Variants in TENM3 observed in about 807,000 individuals in gnomAD.
The protein encoded by TENM3 is teneurin transmembrane protein 3.
In TENM3, 63 loss-of-function variants were observed where a neutral mutation model predicts 255.1. The ratio of observed to expected loss-of-function variants is 0.25; its 90% confidence interval spans 0.20 to 0.30. The LOEUF is 0.30. Ranked by LOEUF, TENM3 falls within the 10% of genes least tolerant of loss-of-function variation. The pLI is 1.00. For synonymous variants in TENM3, 1,306 were observed against 1,322.3 expected, an observed-to-expected ratio of 0.99 and a Z score of 0.27; for missense variants, 2,929 against 3,461.1, an observed-to-expected ratio of 0.85 and a Z score of 3.86.
intron 13 of TENM3, among the ~76,000 whole-genome samples, chr4:182,725,934 G>A (rs757697863): frequency 2.0e-5 from 3 of 152,076 alleles, no homozygotes; most frequent in South Asian, 2.1e-4. Context: ...TACCGCGCCC[G>A]GCTTAATTTT....
At chr4:181,742,514 T>C in the TENM3 span, among the ~76,000 whole-genome samples, 1 of 152,248 alleles carries the variant, frequency 6.6e-6, no homozygotes, top group African/African-American at 2.4e-5. Flanking sequence ...TTTCTGGTTC[T>C]CATGGGGCTT....
intron 12 of TENM3, among the ~76,000 whole-genome samples, chr4:182,710,113 T>G (rs6552597): frequency 0.91 from 138,470 of 152,206 alleles, 63,398 homozygotes; most frequent in East Asian, 1. Flanking sequence ...TTATTTATTT[T>G]GGTTGTGCAG....
chr4:181,494,187 C>T, the TENM3 span, among the ~76,000 whole-genome samples: 1 of 152,168 alleles, frequency 6.6e-6, no homozygotes, highest in African/African-American at 2.4e-5. Context: ...CTACTAATGA[C>T]TTATATTCTC....
At chr4:181,730,518 G>A in the TENM3 span, among the ~76,000 whole-genome samples, 9 of 152,180 alleles carry the variant, frequency 5.9e-5, no homozygotes, top group Non-Finnish European at 1.0e-4. Flanking sequence ...GGATAAAGGG[G>A]TGTCTATTTT....
chr4:181,496,390 T>C, the TENM3 span, among the ~76,000 whole-genome samples: 4 of 152,226 alleles, frequency 2.6e-5, no homozygotes, highest in Non-Finnish European at 5.9e-5. Flanking sequence ...TGTTTTATTC[T>C]GAACATTCTG....
intron 1 of TENM3, among the ~76,000 whole-genome samples, chr4:182,194,503 G>C (rs868527818): frequency 6.6e-6 from 1 of 152,146 alleles, no homozygotes; most frequent in African/African-American, 2.4e-5. Context: ...CTTCCACGAC[G>C]CTTCTTAAGA....
intron 1 of TENM3, among the ~76,000 whole-genome samples, chr4:182,236,953 A>T (rs1756933885): frequency 6.6e-6 from 1 of 152,092 alleles, no homozygotes; most frequent in South Asian, 2.1e-4. Flanking sequence ...CCTAGGTATT[A>T]AGCCTGGCAT....
chr4:182,653,928 T>C (rs756574238), intron 6 of TENM3, 35 bp downstream of exon 6: 1 of 1,566,124 alleles, frequency 6.4e-7, no homozygotes, highest in Non-Finnish European at 8.7e-7. Flanking sequence ...GTGTTTCTCT[T>C]TTAACATCCC....
At chr4:181,447,895 A>G in the TENM3 span, among the ~76,000 whole-genome samples, 3 of 151,820 alleles carry the variant, frequency 2.0e-5, no homozygotes, top group Non-Finnish European at 4.4e-5. Flanking sequence ...TCAAACAACT[A>G]TTTTCTCTCT....
the TENM3 span, among the ~76,000 whole-genome samples, chr4:181,785,759 C>G: frequency 1.3e-5 from 2 of 151,932 alleles, no homozygotes; most frequent in Admixed American, 1.3e-4. Flanking sequence ...CCAAGTATTT[C>G]AGATAAGGGA....
At chr4:181,969,323 A>G in the TENM3 span, among the ~76,000 whole-genome samples, 1 of 152,216 alleles carries the variant, frequency 6.6e-6, no homozygotes, top group African/African-American at 2.4e-5. Flanking sequence ...AAGATGTTAC[A>G]GTTAGCCAGC....
chr4:181,729,496 C>T, the TENM3 span, among the ~76,000 whole-genome samples: 1 of 152,018 alleles, frequency 6.6e-6, no homozygotes, highest in South Asian at 2.1e-4. Context: ...GGAAAGGCAG[C>T]CAGGTTGTTT....
chr4:182,625,491 C>T (rs188198062), intron 4 of TENM3, among the ~76,000 whole-genome samples: 2 of 152,170 alleles, frequency 1.3e-5, no homozygotes, highest in Non-Finnish European at 2.9e-5. Context: ...TCCCCACCCC[C>T]CTATTCCTGG....
At chr4:182,394,500 T>C (rs991793886) in intron 3 of TENM3, among the ~76,000 whole-genome samples, 1 of 152,286 alleles carries the variant, frequency 6.6e-6, no homozygotes, top group African/African-American at 2.4e-5. Context: ...AGGGTGGAAC[T>C]TATCCTCTTA....
chr4:182,342,448 G>T (rs966483075), intron 2 of TENM3, among the ~76,000 whole-genome samples: 2 of 152,030 alleles, frequency 1.3e-5, no homozygotes, highest in African/African-American at 2.4e-5. Context: ...ATGAGTGGTT[G>T]CCTAGGGCTG....
chr4:182,208,510 T>C (rs2149872623), intron 1 of TENM3, among the ~76,000 whole-genome samples: 1 of 152,320 alleles, frequency 6.6e-6, no homozygotes, highest in Non-Finnish European at 1.5e-5. Flanking sequence ...AAAATTTTAA[T>C]ATAGTAGTAA....
At chr4:181,574,714 GT>G in the TENM3 span, among the ~76,000 whole-genome samples, 1 of 152,172 alleles carries the variant, frequency 6.6e-6, no homozygotes, top group East Asian at 1.9e-4. Flanking sequence ...AGAATTATAT[GT>G]TTTTAAATAT....
chr4:181,733,096 C>T, the TENM3 span, among the ~76,000 whole-genome samples: 8 of 152,150 alleles, frequency 5.3e-5, no homozygotes, highest in African/African-American at 1.2e-4. Context: ...TTGGGAGTTG[C>T]GTTTTTGTCT....
In TENM3 at chr4:182,742,500, T is replaced by G. The variant is rs575267789; in HGVS notation, c.3380-670T>G. On this transcript the variant is annotated intron_variant, in intron 18 of 27. Coordinates refer to ENST00000511685, the MANE Select transcript of TENM3 (RefSeq NM_001080477.4). Reference sequence around the variant, plus strand: ...ATAGTCTTTGACAGGATAGGTAGAGTTAAAATAAGCCTGTATTATCGTTAC... The same window carrying G: ...ATAGTCTTTGACAGGATAGGTAGAGGTAAAATAAGCCTGTATTATCGTTAC... Among the ~76,000 whole-genome samples the G allele has an allele frequency of 5.9e-5, 9 of 152,324 alleles. 1 individual carries two copies. The South Asian group carries it at 1.9e-3, about 32-fold the overall frequency.
Sources: allele counts gnomAD v4.1 joint callset (sites outside exome capture counted in the v4.1 genomes callset), GRCh38; gene constraint gnomAD v4.1.1; transcripts MANE v1.5; gene names NCBI Gene and HGNC (gene_info 2026-07-23, HGNC 2026-07-21).